The following SH3BP5 variants were observed in gnomAD, a reference collection of about 807,000 sequenced individuals.
SH3BP5 encodes SH3 domain-binding protein 5.
SH3BP5 carries 22 observed loss-of-function variants against 43.3 expected under a neutral mutation model. The ratio of observed to expected loss-of-function variants is 0.51; its 90% CI spans 0.36 to 0.73. SH3BP5 has a LOEUF of 0.73. Among genes scored for constraint, SH3BP5 ranks in the 30% least tolerant of loss-of-function variants. The probability of loss-of-function intolerance (pLI) is 0.00; values close to 1 mark genes in which losing one functional copy is unlikely to be tolerated. For missense variants in SH3BP5, 529 were observed against 586.9 expected, an observed-to-expected ratio of 0.90 and a Z score of 1.02; for synonymous variants, 255 against 225.8, an observed-to-expected ratio of 1.13 and a Z score of -1.16.
chr3:15,271,946 C>CA (rs1696812353), intron 3 of SH3BP5, among the ~76,000 whole-genome samples: 1 of 151,916 alleles, frequency 6.6e-6, no homozygotes, highest in Non-Finnish European at 1.5e-5. Context: ...AGCGTCCCAC[C>CA]ACCCTCCCTC....
chr3:15,290,803 C>T (rs1106130), intron 3 of SH3BP5, among the ~76,000 whole-genome samples: 114,465 of 152,096 alleles, frequency 0.75, 43,719 homozygotes, highest in African/African-American at 0.81. Context: ...CTCCATCCTC[C>T]ATGAGAAGGT....
intron 3 of SH3BP5, among the ~76,000 whole-genome samples, chr3:15,273,789 G>A (rs1322568918): frequency 6.6e-6 from 1 of 152,182 alleles, no homozygotes; most frequent in African/African-American, 2.4e-5. Flanking sequence ...CTAATGAGAG[G>A]TAAATGAACA....
At chr3:15,260,964 C>T (rs1177421358) in intron 5 of SH3BP5, among the ~76,000 whole-genome samples, 1 of 152,160 alleles carries the variant, frequency 6.6e-6, no homozygotes, top group African/African-American at 2.4e-5. Flanking sequence ...AGTGTGAATT[C>T]GGGGTCTTTT....
At chr3:15,276,492 C>T (rs763201620) in intron 3 of SH3BP5, among the ~76,000 whole-genome samples, 11 of 152,190 alleles carry the variant, frequency 7.2e-5, no homozygotes, top group African/African-American at 1.4e-4. Flanking sequence ...GACAATTGGA[C>T]GGTCTCCCCG....
At chr3:15,281,260 C>A (rs1360262690) in intron 3 of SH3BP5, among the ~76,000 whole-genome samples, 1 of 152,066 alleles carries the variant, frequency 6.6e-6, no homozygotes, top group Non-Finnish European at 1.5e-5. Context: ...GAAACACGGT[C>A]CCCCAACAAG....
chr3:15,269,621 T>C, intron 4 of SH3BP5, 92 bp downstream of exon 4: 1 of 1,359,280 alleles, frequency 7.4e-7, no homozygotes, highest in Non-Finnish European at 9.9e-7. Context: ...TCAGGCAACA[T>C]GCCTGGGAGT....
intron 3 of SH3BP5, among the ~76,000 whole-genome samples, chr3:15,282,374 G>A (rs1697154528): frequency 6.6e-6 from 1 of 152,154 alleles, no homozygotes; most frequent in South Asian, 2.1e-4. Context: ...TGTTGCTTTT[G>A]CTATCTTATT....
At chr3:15,271,963 C>CA (rs1204101668) in intron 3 of SH3BP5, among the ~76,000 whole-genome samples, 1 of 152,120 alleles carries the variant, frequency 6.6e-6, no homozygotes, top group East Asian at 1.9e-4. Flanking sequence ...CCTCGTCCCA[C>CA]CACCCTCCCT....
intron 2 of SH3BP5, among the ~76,000 whole-genome samples, chr3:15,310,620 G>A (rs544328459): frequency 6.6e-6 from 1 of 152,264 alleles, no homozygotes; most frequent in Admixed American, 6.5e-5. Context: ...AGAGCAAGCA[G>A]ATCTTCCACC....
upstream of SH3BP5, among the ~76,000 whole-genome samples, chr3:15,334,806 G>T (rs912496305): frequency 6.6e-6 from 1 of 151,642 alleles, no homozygotes; most frequent in Non-Finnish European, 1.5e-5. Flanking sequence ...CAAAAAATTC[G>T]CCAAGTGTGG....
rs1318765546 is a variant in SH3BP5, at chr3:15,265,512, T to TCTCACACACACACACACACA, written c.496-3224_496-3223insTGTGTGTGTGTGTGTGTGAG. Among the ~76,000 whole-genome samples the TCTCACACACACACACACACA allele has an allele frequency of 1.2e-3, 132 of 107,984 alleles. 1 individual carries two copies. Among genetic ancestry groups the TCTCACACACACACACACACA allele is most frequent in the African/African-American group, 4.6e-3 (110 of 24,116 alleles). The allele number at this position is 107,984 out of a possible 152,430, so 70.8% of individuals were successfully genotyped here. A position where few individuals can be genotyped will look rare whatever the true frequency, so the allele number is the denominator to read the frequency against. On this transcript the variant is annotated intron_variant, in intron 4 of 8. Coordinates refer to ENST00000383791, the MANE Select transcript of SH3BP5 (RefSeq NM_004844.5). ...GCCTGAGCTACAGGGCGAGACTCCG[T>TCTCACACACACACACACACA]CACACACACACACACACACACACAC...
Position 15,258,877 on chromosome 3 carries a change from A to G in SH3BP5, c.843T>C (p.Ser281=), listed in dbSNP as rs1481175008. 1.9e-6 allele frequency: 3 copies of G among 1,614,230 alleles called. No homozygotes were observed. In the African/African-American group the frequency reaches 4.0e-5, roughly 22 times the overall value. Residue 281 remains serine (S), a synonymous_variant, in exon 7 of 9, where the codon TCT becomes TCC. Transcript: ENST00000383791. ...CGVGAEGSST[S]VEDLPGSKPE... is the part of the protein sequence containing the mutation. ...GTTTGCTCCCTGGCAGATCCTCCAC[A>G]GATGTGCTGCTGCCCTCAGCACCAA...
intron 3 of SH3BP5, among the ~76,000 whole-genome samples, chr3:15,280,561 C>G (rs1400691404): frequency 6.6e-6 from 1 of 152,160 alleles, no homozygotes; most frequent in Non-Finnish European, 1.5e-5. Flanking sequence ...AAGCATCAAG[C>G]CTGGGTATTC....
chr3:15,256,331 T>C lies in SH3BP5; in HGVS notation c.1151-28A>G, dbSNP rs1696198182. The C allele has an allele frequency of 3.7e-6, 6 of 1,602,120 alleles. No individual in the cohort carries two copies. The East Asian group carries it at 1.3e-4, about 36-fold the overall frequency. On this transcript the variant is annotated intron_variant, in intron 8 of 8. Transcript: ENST00000383791. ...ATAGAAATACAAGGATTATCAAAAG[T>C]GAGTATTGACAATTCTGCCCTGTCT...
intron 2 of SH3BP5, among the ~76,000 whole-genome samples, chr3:15,320,640 A>ACC (rs1553619762): frequency 3.2e-4 from 48 of 149,672 alleles, no homozygotes; most frequent in African/African-American, 7.9e-4. Flanking sequence ...ACACACACAC[A>ACC]CCCCACTACG....
At chr3:15,270,375 G>A (rs1034469655) in intron 3 of SH3BP5, among the ~76,000 whole-genome samples, 23 of 152,176 alleles carry the variant, frequency 1.5e-4, no homozygotes, top group African/African-American at 5.6e-4. Context: ...CTGACTAGAT[G>A]CAGAGCTGTG....
chr3:15,317,503 ACAT>A (rs1698213628), intron 2 of SH3BP5, among the ~76,000 whole-genome samples: 1 of 152,224 alleles, frequency 6.6e-6, no homozygotes, highest in South Asian at 2.1e-4. Context: ...ACAACTAAAA[ACAT>A]CATTTCATTG....
intron 7 of SH3BP5, chr3:15,257,584 G>A (rs538413982): frequency 6.5e-6 from 1 of 154,888 alleles, no homozygotes; most frequent in Non-Finnish European, 1.4e-5. Context: ...TGGAACATCT[G>A]TTGGGACCTT....
Position 15,256,156 on chromosome 3 carries a change from T to C in SH3BP5, c.1298A>G (p.Gln433Arg), listed in dbSNP as rs1336387958. The stretch of plus-strand genomic sequence containing the variant: ...TCCCTTTGAGCACTGTAGGGAGAGC[T>C]GCTTCATCCGGTTCTCCAAGGCCTG... Reference protein sequence around the residue: ...EGQALENRMKQLSLQCSKGRD... With the variant: ...EGQALENRMKRLSLQCSKGRD... The change falls in exon 9 of 9, where the codon CAG becomes CGG. Residue 433 changes from glutamine to arginine, a missense_variant. Gln to Arg is a conservative substitution (Grantham distance 43, BLOSUM62 1). Around this residue, in one of 3 missense-constraint regions of SH3BP5, gnomAD observed 369 missense variants for 384.3 expected, o/e 0.96. Transcript: ENST00000383791. 6.2e-7 allele frequency: 1 copy of C among 1,614,120 alleles called. No individual in the cohort carries two copies. Among genetic ancestry groups the C allele is most frequent in the East Asian group, 2.2e-5 (1 of 44,896 alleles).
Sources: allele counts gnomAD v4.1 joint callset (sites outside exome capture counted in the v4.1 genomes callset), GRCh38; gene constraint gnomAD v4.1.1; regional missense constraint gnomAD v4.1.1; transcripts MANE v1.5; gene names NCBI Gene and HGNC (gene_info 2026-07-23, HGNC 2026-07-21).